Variants in MAF observed in about 807,000 individuals in gnomAD.
The protein encoded by MAF is MAF bZIP transcription factor.
Under a neutral mutation model 22.0 loss-of-function variants are expected in MAF, and 10 were observed. The observed-to-expected ratio is 0.45, with a 90% CI of 0.28 to 0.77. The LOEUF (loss-of-function observed/expected upper bound fraction) is 0.77. MAF is among the 30% of genes least tolerant of loss of function. The pLI is 0.12. For synonymous variants in MAF, 337 were observed against 255.8 expected, an observed-to-expected ratio of 1.32 and a Z score of -3.03; for missense variants, 544 against 548.4, an observed-to-expected ratio of 0.99 and a Z score of 0.08.
At chr16:79,262,608 T>A in the MAF span, among the ~76,000 whole-genome samples, 20 of 152,036 alleles carry the variant, frequency 1.3e-4, no homozygotes, top group Non-Finnish European at 2.8e-4. Context: ...AGCATGGAAA[T>A]GAGAGAGGGG....
the MAF span, among the ~76,000 whole-genome samples, chr16:79,320,182 G>A: frequency 6.6e-6 from 1 of 152,132 alleles, no homozygotes; most frequent in Non-Finnish European, 1.5e-5. Flanking sequence ...TGGGTACAAT[G>A]GAAACCACTG....
At chr16:79,463,684 G>A in the MAF span, among the ~76,000 whole-genome samples, 32 of 152,222 alleles carry the variant, frequency 2.1e-4, no homozygotes, top group African/African-American at 7.2e-4. Flanking sequence ...ACCTAGGTTG[G>A]CATTGGACGT....
chr16:79,251,532 G>C, the MAF span, among the ~76,000 whole-genome samples: 19 of 152,056 alleles, frequency 1.2e-4, no homozygotes, highest in African/African-American at 3.9e-4. Context: ...GGTCAGGTTG[G>C]TCTCGAACTC....
chr16:79,205,012 C>CT, the MAF span: 1 of 152,164 alleles, frequency 6.6e-6, no homozygotes, highest in African/African-American at 2.4e-5. Flanking sequence ...CTTTGTATGA[C>CT]ACTTCCTTCT....
the MAF span, among the ~76,000 whole-genome samples, chr16:79,351,825 T>C: frequency 8.9e-4 from 136 of 152,182 alleles, no homozygotes; most frequent in African/African-American, 3.3e-3. Flanking sequence ...CCTCAACACA[T>C]TGCTGGGAAA....
the MAF span, among the ~76,000 whole-genome samples, chr16:79,357,142 G>A: frequency 6.6e-6 from 1 of 152,130 alleles, no homozygotes; most frequent in East Asian, 1.9e-4. Context: ...TACAGTCCCA[G>A]CTATTTGGGA....
At chr16:79,368,312 G>C in the MAF span, among the ~76,000 whole-genome samples, 20 of 152,196 alleles carry the variant, frequency 1.3e-4, no homozygotes, top group South Asian at 3.1e-3. Context: ...TCATCCATAA[G>C]AGAAGGTAAT....
the MAF span, among the ~76,000 whole-genome samples, chr16:79,545,375 G>C: frequency 6.6e-6 from 1 of 152,074 alleles, no homozygotes; most frequent in Non-Finnish European, 1.5e-5. Context: ...ACAATGCAAG[G>C]TTCCTTGTTC....
chr16:79,430,949 G>C, the MAF span, among the ~76,000 whole-genome samples: 101 of 152,282 alleles, frequency 6.6e-4, no homozygotes, highest in South Asian at 2.1e-3. Context: ...TTCTTCCTGG[G>C]AACAGGGTGA....
chr16:79,469,642 A>C, the MAF span, among the ~76,000 whole-genome samples: 304 of 152,070 alleles, frequency 2.0e-3, 3 homozygotes, highest in African/African-American at 7.0e-3. Flanking sequence ...TGTTGCCCAG[A>C]CTGGAGTGCA....
At chr16:79,346,490 T>C in the MAF span, among the ~76,000 whole-genome samples, 3 of 152,152 alleles carry the variant, frequency 2.0e-5, no homozygotes, top group East Asian at 3.9e-4. Context: ...CGTCATTCTT[T>C]GTCTAACGGC....
the MAF span, among the ~76,000 whole-genome samples, chr16:79,571,234 A>T: frequency 6.6e-6 from 1 of 152,016 alleles, no homozygotes; most frequent in African/African-American, 2.4e-5. Context: ...TCCCAGGGGG[A>T]TGAGCGGGAG....
At chr16:79,253,427 A>C in the MAF span, among the ~76,000 whole-genome samples, 1 of 151,326 alleles carries the variant, frequency 6.6e-6, no homozygotes, top group Non-Finnish European at 1.5e-5. Flanking sequence ...CTTACCTTCA[A>C]CTCCTCCCCT....
At chr16:79,523,547 C>T in the MAF span, among the ~76,000 whole-genome samples, 1 of 152,206 alleles carries the variant, frequency 6.6e-6, no homozygotes, top group African/African-American at 2.4e-5. Flanking sequence ...CTGAGTGATA[C>T]AACTGGACAG....
downstream of MAF, among the ~76,000 whole-genome samples, chr16:79,583,930 C>T (rs769509267): frequency 2.6e-5 from 4 of 152,146 alleles, no homozygotes; most frequent in Admixed American, 6.5e-5. Flanking sequence ...ACAGTCTTGG[C>T]GCAGCATGCA....
At chr16:79,503,367 C>T in the MAF span, among the ~76,000 whole-genome samples, 3 of 152,152 alleles carry the variant, frequency 2.0e-5, no homozygotes. Context: ...TTTTTATTTA[C>T]AAGGACTCAC....
the MAF span, among the ~76,000 whole-genome samples, chr16:79,269,225 G>A: frequency 6.6e-6 from 1 of 152,110 alleles, no homozygotes; most frequent in Non-Finnish European, 1.5e-5. Flanking sequence ...TGTGATGTAG[G>A]GGCTGTTTAG....
At chr16:79,261,813 A>C in the MAF span, among the ~76,000 whole-genome samples, 2 of 152,190 alleles carry the variant, frequency 1.3e-5, no homozygotes. Flanking sequence ...ACTCCCATTA[A>C]TCACCTTTGG....
the MAF span, among the ~76,000 whole-genome samples, chr16:79,503,408 T>C: frequency 1.3e-5 from 2 of 152,246 alleles, no homozygotes; most frequent in African/African-American, 4.8e-5. Context: ...AAAATTTTGA[T>C]AATTAAAAAA....
Sources: gnomAD v4.1 joint callset for allele counts (sites outside exome capture counted in the v4.1 genomes callset) on GRCh38, gnomAD v4.1.1 for gene constraint, MANE v1.5 for transcripts, NCBI Gene and HGNC (gene_info 2026-07-23, HGNC 2026-07-21) for gene names.